Variants in RCAN2 observed in about 807,000 individuals in gnomAD.
RCAN2 encodes the protein calcipressin-2.
Under a neutral mutation model 23.6 loss-of-function variants are expected in RCAN2, and 9 were observed. That is an observed-to-expected ratio of 0.38 (90% CI 0.23 to 0.67). The LOEUF (loss-of-function observed/expected upper bound fraction) is 0.67, where lower values mean the gene tolerates loss of function less well. Among genes scored for constraint, RCAN2 ranks in the 30% least tolerant of loss-of-function variants. RCAN2 has a pLI of 0.51. For synonymous variants in RCAN2, 109 were observed against 115.7 expected, an observed-to-expected ratio of 0.94 and a Z score of 0.37; for missense variants, 273 against 302.3, an observed-to-expected ratio of 0.90 and a Z score of 0.72.
chr6:46,337,465 A>G (rs1764178680), intron 2 of RCAN2, among the ~76,000 whole-genome samples: 2 of 152,218 alleles, frequency 1.3e-5, no homozygotes, highest in African/African-American at 2.4e-5. Flanking sequence ...AAAGTATTTG[A>G]TAAGCCTTAC....
At chr6:46,292,794 A>G (rs1349871182) in intron 2 of RCAN2, among the ~76,000 whole-genome samples, 2 of 152,084 alleles carry the variant, frequency 1.3e-5, no homozygotes, top group African/African-American at 4.8e-5. Context: ...ACATAGGTAT[A>G]CATGTGCCAT....
At chr6:46,431,714 C>T (rs1249265674) in intron 2 of RCAN2, among the ~76,000 whole-genome samples, 1 of 152,100 alleles carries the variant, frequency 6.6e-6, no homozygotes, top group African/African-American at 2.4e-5. Context: ...TAACTTTAAC[C>T]CAACATTTAT....
At position 46,222,799 on chromosome 6, in the gene RCAN2, G is replaced by A. The variant is rs76165521; in HGVS notation, c.*342C>T. ...AACAACGCACACACATCAGGACTGG[G>A]ACTGAAACAGCTCACAAACAACACA... On this transcript the variant is annotated 3_prime_UTR_variant, in exon 5 of 5. Transcript: ENST00000371374. The A allele has an allele frequency of 1.7e-3, 425 of 255,874 alleles. 13 individuals are homozygous for A. In the East Asian group the frequency reaches 0.039, roughly 24 times the overall value. The allele number at this position is 255,874 out of a possible 1,614,324, so 15.9% of individuals were successfully genotyped here.
At chr6:46,490,813 G>A (rs1334549686) in intron 1 of RCAN2, among the ~76,000 whole-genome samples, 1 of 151,998 alleles carries the variant, frequency 6.6e-6, no homozygotes. Flanking sequence ...GATCACAGGC[G>A]TCATCCTCGC....
At chr6:46,267,401 G>T (rs192809582) in intron 2 of RCAN2, among the ~76,000 whole-genome samples, 46 of 152,228 alleles carry the variant, frequency 3.0e-4, no homozygotes, top group African/African-American at 1.0e-3. Context: ...ATTAAAGAGG[G>T]TCGGTATGGT....
chr6:46,474,962 C>T (rs886149883), intron 1 of RCAN2, among the ~76,000 whole-genome samples: 3 of 152,158 alleles, frequency 2.0e-5, no homozygotes, highest in Admixed American at 6.5e-5. Context: ...ATTATTTTTT[C>T]TAAATCAGGA....
intron 2 of RCAN2, among the ~76,000 whole-genome samples, chr6:46,274,061 A>C (rs1470140119): frequency 6.6e-6 from 1 of 151,924 alleles, no homozygotes; most frequent in Non-Finnish European, 1.5e-5. Context: ...CAAAATTTGG[A>C]CTCTGATTAT....
intron 2 of RCAN2, among the ~76,000 whole-genome samples, chr6:46,412,671 G>A (rs944765815): frequency 1.3e-5 from 2 of 152,182 alleles, no homozygotes; most frequent in African/African-American, 4.8e-5. Flanking sequence ...TTCTTGAGAG[G>A]TCAAGAAGGA....
chr6:46,456,719 C>T, intron 2 of RCAN2, 33 bp downstream of exon 2: 1 of 1,425,954 alleles, frequency 7.0e-7, no homozygotes, highest in African/African-American at 1.4e-5. Context: ...GCCATATCTC[C>T]CCATGTTTTA....
chr6:46,376,720 A>T (rs868231197), intron 2 of RCAN2, among the ~76,000 whole-genome samples: 1 of 151,986 alleles, frequency 6.6e-6, no homozygotes, highest in Non-Finnish European at 1.5e-5. Context: ...ACAAACAAAA[A>T]AAAAAAACAC....
chr6:46,438,801 G>A (rs999714703), intron 2 of RCAN2, among the ~76,000 whole-genome samples: 1 of 152,132 alleles, frequency 6.6e-6, no homozygotes, highest in Non-Finnish European at 1.5e-5. Flanking sequence ...ATGAGGGCTT[G>A]CATTTCTTTC....
chr6:46,353,767 A>C (rs984135017), intron 2 of RCAN2, among the ~76,000 whole-genome samples: 1 of 152,196 alleles, frequency 6.6e-6, no homozygotes, highest in African/African-American at 2.4e-5. Flanking sequence ...CAGAGAAGGA[A>C]ACACTGATTT....
At chr6:46,290,722 T>C (rs1762530266) in intron 2 of RCAN2, among the ~76,000 whole-genome samples, 1 of 152,220 alleles carries the variant, frequency 6.6e-6, no homozygotes, top group Middle Eastern at 3.2e-3. Flanking sequence ...GTCAAGTTAA[T>C]TGGTACTAGC....
At chr6:46,310,899 G>A (rs1763237148) in intron 2 of RCAN2, among the ~76,000 whole-genome samples, 1 of 152,164 alleles carries the variant, frequency 6.6e-6, no homozygotes, top group Non-Finnish European at 1.5e-5. Context: ...TCTCAATATA[G>A]CAGAACTGCT....
At chr6:46,315,576 G>A (rs1561855573) in intron 2 of RCAN2, among the ~76,000 whole-genome samples, 1 of 152,162 alleles carries the variant, frequency 6.6e-6, no homozygotes, top group South Asian at 2.1e-4. Flanking sequence ...GGGGAGAGGT[G>A]CAGAGGAGAT....
chr6:46,400,702 A>G (rs953891404), intron 2 of RCAN2, among the ~76,000 whole-genome samples: 5 of 152,074 alleles, frequency 3.3e-5, no homozygotes, highest in African/African-American at 1.2e-4. Flanking sequence ...ATTCCAGGGT[A>G]TTTTCCCCAC....
intron 2 of RCAN2, among the ~76,000 whole-genome samples, chr6:46,409,866 A>G (rs909688966): frequency 1.8e-4 from 27 of 152,164 alleles, no homozygotes; most frequent in African/African-American, 6.0e-4. Context: ...ATTATTTCTT[A>G]TTATGCCTGT....
At chr6:46,250,209 G>A (rs931635501) in intron 2 of RCAN2, among the ~76,000 whole-genome samples, 1 of 152,042 alleles carries the variant, frequency 6.6e-6, no homozygotes, top group Non-Finnish European at 1.5e-5. Context: ...ACTGCAGAAA[G>A]GCATAACAGA....
intron 2 of RCAN2, among the ~76,000 whole-genome samples, chr6:46,268,637 G>C (rs1322074447): frequency 1.3e-5 from 2 of 152,166 alleles, no homozygotes; most frequent in South Asian, 2.1e-4. Context: ...TATCACACTA[G>C]ACTGATAGTT....
Sources: gnomAD v4.1 joint callset for allele counts (sites outside exome capture counted in the v4.1 genomes callset) on GRCh38, gnomAD v4.1.1 for gene constraint, MANE v1.5 for transcripts, NCBI Gene and HGNC (gene_info 2026-07-23, HGNC 2026-07-21) for gene names.